The following PTGR2 variants were observed in gnomAD, a reference collection of about 807,000 sequenced individuals.
PTGR2 encodes 15-oxoprostaglandin 13-reductase.
Under a neutral mutation model 43.4 loss-of-function variants are expected in PTGR2, and 32 were observed. The observed-to-expected ratio is 0.74, with a 90% CI of 0.56 to 0.99. The LOEUF is 0.99. Among genes scored for constraint, PTGR2 ranks in the 50% least tolerant of loss-of-function variants. The pLI is 0.00. For missense variants in PTGR2, 373 were observed against 420.0 expected (o/e 0.89, Z 0.98); for synonymous variants, 106 against 139.2 (o/e 0.76, Z 1.68).
At chr14:73,867,526 G>A (rs2054631207) in intron 3 of PTGR2, among the ~76,000 whole-genome samples, 3 of 151,842 alleles carry the variant, frequency 2.0e-5, no homozygotes, top group South Asian at 2.1e-4. Flanking sequence ...TTTAGGGGAG[G>A]AAAAATGATG....
intron 3 of PTGR2, among the ~76,000 whole-genome samples, chr14:73,865,403 C>A (rs935604545): frequency 2.0e-5 from 3 of 152,140 alleles, no homozygotes; most frequent in Non-Finnish European, 4.4e-5. Context: ...TCCATCTGGG[C>A]TCCTTGTTGA....
rs781219931 is a variant in PTGR2 at position 73,860,555 on chromosome 14, A to G, written c.54A>G (p.Pro18=). Residue 18 remains proline, a synonymous_variant, in exon 3 of 10, where the codon CCA becomes CCG. Coordinates refer to ENST00000555661, the MANE Select transcript of PTGR2 (RefSeq NM_001146154.2). ...ATATTTTAGGAAAAAATGGTAATCC[A>G]GTGGCAGAGAATTTCCGAATGGAAG... ...LNSRPGKNGN[P]VAENFRMEEV... 21 of 1,566,512 alleles carry G rather than the reference A, an allele frequency of 1.3e-5. No homozygotes were observed. In the Middle Eastern group the frequency reaches 6.8e-4, roughly 51 times the overall value.
intron 2 of PTGR2, 114 bp downstream of exon 2, chr14:73,859,013 A>G: frequency 1.4e-6 from 1 of 720,854 alleles, no homozygotes; most frequent in Non-Finnish European, 2.3e-6. Context: ...AGATATTGAC[A>G]CTAGTAAAGA....
chr14:73,879,166 C>T lies in PTGR2; in HGVS notation c.590C>T (p.Thr197Ile). The change falls in exon 6 of 10, where the codon ACC becomes ATC. Residue 197 changes from threonine (T) to isoleucine (I), a missense_variant. Transcript: ENST00000555661. ...CGTHEKCILL[T>I]SELGFDAAIN... ...ACACATGAGAAATGCATCCTCTTGACCTCAGAACTGGGCTTTGATGCTGCA... is the reference window on the plus strand; with the variant it reads ...ACACATGAGAAATGCATCCTCTTGATCTCAGAACTGGGCTTTGATGCTGCA... The T allele has an allele frequency of 6.2e-7, 1 of 1,614,058 alleles. No individual in the cohort carries two copies. Among genetic ancestry groups the T allele is most frequent in the East Asian group, 2.2e-5 (1 of 44,872 alleles).
chr14:73,879,165 AC>A lies in PTGR2; in HGVS notation c.591del (p.Ser198GlnfsTer43), dbSNP rs2054926027. Reference protein sequence around the residue: ...CGTHEKCILLTSELGFDAAIN... With the variant: ...CGTHEKCILLXSELGFDAAIN... ...AACACATGAGAAATGCATCCTCTTG[AC>A]CTCAGAACTGGGCTTTGATGCTGCA... On this transcript the variant is annotated frameshift_variant, in exon 6 of 10. Coordinates refer to ENST00000555661, the MANE Select transcript of PTGR2 (RefSeq NM_001146154.2). 2 of 1,614,110 alleles carry A rather than the reference AC, an allele frequency of 1.2e-6. No individual in the cohort carries two copies. Among genetic ancestry groups the A allele is most frequent in the Admixed American group, 1.7e-5 (1 of 60,016 alleles).
chr14:73,880,189 T>G lies in PTGR2; in HGVS notation c.851+13T>G. On this transcript the variant is annotated intron_variant, in intron 7 of 9. Transcript: ENST00000555661. ...GAAACATCACAAGGTGTGTTCTTCCTCTTTGCCCTTATTACCAGGTTCATG... is the reference window on the plus strand; with the variant it reads ...GAAACATCACAAGGTGTGTTCTTCCGCTTTGCCCTTATTACCAGGTTCATG... The G allele has an allele frequency of 6.2e-7, 1 of 1,613,380 alleles. No homozygotes were observed. The highest frequency in any genetic ancestry group is 8.5e-7 in the Non-Finnish European group (1 of 1,179,434).
chr14:73,882,409 C>G lies in PTGR2; in HGVS notation c.950C>G (p.Thr317Arg). ...TATTTTGATTTACAGATTAAAGAGA[C>G]GGTAATAAATGGGTTGGAAAACATG... Reference protein sequence around the residue: ...FKEGKLKIKETVINGLENMGA... With the variant: ...FKEGKLKIKERVINGLENMGA... Residue 317 changes from threonine to arginine, a missense_variant, in exon 9 of 10, where the codon ACG becomes AGG. Transcript: ENST00000555661. 1 of 1,570,554 alleles carries G rather than the reference C, an allele frequency of 6.4e-7. No individual in the cohort carries two copies.
chr14:73,856,306 C>T (rs1274728298), intron 1 of PTGR2, among the ~76,000 whole-genome samples: 1 of 151,898 alleles, frequency 6.6e-6, no homozygotes, highest in South Asian at 2.1e-4. Context: ...AGTGCAGTGG[C>T]GCAATCTTGG....
intron 2 of PTGR2, among the ~76,000 whole-genome samples, chr14:73,860,264 G>A (rs2054457566): frequency 6.6e-6 from 1 of 151,812 alleles, no homozygotes; most frequent in Non-Finnish European, 1.5e-5. Flanking sequence ...TCAGGAATTT[G>A]AGACCAGCCT....
At chr14:73,870,986 G>A (rs968536645) in intron 3 of PTGR2, among the ~76,000 whole-genome samples, 3 of 152,160 alleles carry the variant, frequency 2.0e-5, no homozygotes, top group African/African-American at 7.2e-5. Context: ...GTGTCTTTTT[G>A]TATTCTAATG....
intron 8 of PTGR2, among the ~76,000 whole-genome samples, chr14:73,881,806 C>T (rs914421504): frequency 1.4e-4 from 12 of 88,746 alleles, no homozygotes; most frequent in Admixed American, 6.4e-4. Flanking sequence ...TTTTTTGAGA[C>T]GGAGTCTCAC....
chr14:73,879,464 G>C (rs1009975931), intron 6 of PTGR2, 159 bp downstream of exon 6: 35 of 593,530 alleles, frequency 5.9e-5, no homozygotes, highest in Non-Finnish European at 8.9e-5. Context: ...AGAGCTTGCT[G>C]ATACCTACTT....
At chr14:73,865,963 A>G (rs1288944217) in intron 3 of PTGR2, among the ~76,000 whole-genome samples, 3 of 151,932 alleles carry the variant, frequency 2.0e-5, no homozygotes, top group African/African-American at 4.8e-5. Context: ...TAGCTTTGTA[A>G]TAAGTTTTGA....
chr14:73,870,306 A>G (rs1968103), intron 3 of PTGR2, among the ~76,000 whole-genome samples: 73,813 of 150,736 alleles, frequency 0.49, 18,276 homozygotes, highest in South Asian at 0.61. Context: ...AGCCTTCTGA[A>G]TAGCTGGGAT....
Position 73,863,114 on chromosome 14 carries a change from A to T in PTGR2, c.156+2457A>T, listed in dbSNP as rs545701406. On this transcript the variant is annotated intron_variant, in intron 3 of 9. Coordinates refer to ENST00000555661, the MANE Select transcript of PTGR2 (RefSeq NM_001146154.2). ...TTTAGTATATTCACGGAATTCTGCA[A>T]CTGTCATTACAATCAGTTTTACAAC... 3.9e-5 allele frequency among the ~76,000 whole-genome samples: 6 copies of T among 152,318 alleles called. No homozygotes were observed. The South Asian group carries it at 1.2e-3, about 32-fold the overall frequency.
chr14:73,860,480 A>G, intron 2 of PTGR2, 59 bp from the exon 3 acceptor site: 1 of 778,902 alleles, frequency 1.3e-6, no homozygotes. Flanking sequence ...TAATAATAAT[A>G]ATAATAGTAT....
intron 7 of PTGR2, among the ~76,000 whole-genome samples, chr14:73,880,587 CAA>C (rs370222443): frequency 1.9e-5 from 2 of 102,974 alleles, no homozygotes; most frequent in Non-Finnish European, 4.4e-5. Flanking sequence ...CTCAAAAAAA[CAA>C]AAAAAAAAAA....
chr14:73,860,656 TG>T lies in PTGR2; in HGVS notation c.156+1del. Reference sequence around the variant, plus strand: ...CTTTATCTTTCTGTGGATCCTTACATGGTAAGAATCAGGATGTTGTAACTTG... The same window carrying T: ...CTTTATCTTTCTGTGGATCCTTACATGTAAGAATCAGGATGTTGTAACTTG... ...RTLYLSVDPY[M>X]RCRMNEDTGT... is the part of the protein sequence containing the mutation. On this transcript the variant is annotated frameshift_variant and splice_region_variant, in exon 3 of 10. Coordinates refer to ENST00000555661, the MANE Select transcript of PTGR2 (RefSeq NM_001146154.2). LOFTEE classifies it high-confidence loss of function. 2.3e-6 allele frequency: 3 copies of T among 1,277,886 alleles called. No individual in the cohort carries two copies. The highest frequency in any genetic ancestry group is 3.4e-6 in the Non-Finnish European group (3 of 890,882). 79.2% of individuals were successfully genotyped at this position (1,277,886 alleles called of 1,614,324 possible). A position where few individuals can be genotyped will look rare whatever the true frequency, so the allele number is the denominator to read the frequency against.
intron 4 of PTGR2, 67 bp from the exon 5 acceptor site, chr14:73,876,931 T>C: frequency 1.7e-6 from 2 of 1,209,390 alleles, no homozygotes; most frequent in Non-Finnish European, 2.4e-6. Context: ...CATAACACGT[T>C]GTCTCTACTT....
Sources: gnomAD v4.1 joint callset for allele counts (sites outside exome capture counted in the v4.1 genomes callset) on GRCh38, gnomAD v4.1.1 for gene constraint, MANE v1.5 for transcripts, NCBI Gene and HGNC (gene_info 2026-07-23, HGNC 2026-07-21) for gene names.